Variants in SLC9A9 observed in about 807,000 individuals in gnomAD.
SLC9A9 encodes sodium/hydrogen exchanger 9.
Under a neutral mutation model 77.8 loss-of-function variants are expected in SLC9A9, and 62 were observed. The observed-to-expected ratio is 0.80, with a 90% CI of 0.65 to 0.98. SLC9A9 has a LOEUF of 0.98. SLC9A9 is among the 50% of genes least tolerant of loss of function. SLC9A9 has a pLI of 0.00. For missense variants in SLC9A9, 775 were observed against 774.9 expected (o/e 1.00, Z 0.00); for synonymous variants, 320 against 283.5 (o/e 1.13, Z -1.29).
intron 12 of SLC9A9, among the ~76,000 whole-genome samples, chr3:143,404,206 C>A (rs1313056342): frequency 6.8e-6 from 1 of 146,568 alleles, no homozygotes; most frequent in African/African-American, 2.5e-5. Context: ...CAGAGTCTCA[C>A]TCTGTCACCC....
chr3:143,409,208 A>C (rs772546252), intron 12 of SLC9A9, among the ~76,000 whole-genome samples: 2 of 152,220 alleles, frequency 1.3e-5, no homozygotes, highest in Non-Finnish European at 1.5e-5. Context: ...GGAGGCTTCA[A>C]CTGTAAATAG....
chr3:143,844,765 CT>C (rs1339689819), intron 1 of SLC9A9, among the ~76,000 whole-genome samples: 4 of 147,132 alleles, frequency 2.7e-5, no homozygotes, highest in African/African-American at 1.0e-4. Flanking sequence ...TTCTTTCTTT[CT>C]TTCTTTCTTT....
chr3:143,287,480 C>G (rs1938415660), intron 14 of SLC9A9, among the ~76,000 whole-genome samples: 1 of 152,110 alleles, frequency 6.6e-6, no homozygotes, highest in African/African-American at 2.4e-5. Context: ...GGTAGCTTCT[C>G]TTATGATTCT....
chr3:143,394,488 T>C (rs940610164), intron 12 of SLC9A9, among the ~76,000 whole-genome samples: 3 of 152,090 alleles, frequency 2.0e-5, no homozygotes, highest in African/African-American at 4.8e-5. Flanking sequence ...AAACCCACAG[T>C]CAGTATCATA....
At chr3:143,339,233 T>G (rs1305554382) in intron 14 of SLC9A9, among the ~76,000 whole-genome samples, 1 of 152,180 alleles carries the variant, frequency 6.6e-6, no homozygotes, top group African/African-American at 2.4e-5. Context: ...AATATTCTCA[T>G]TAGAGCTTCC....
At chr3:143,617,479 T>A (rs1055693788) in intron 6 of SLC9A9, among the ~76,000 whole-genome samples, 11 of 152,250 alleles carry the variant, frequency 7.2e-5, no homozygotes, top group African/African-American at 1.4e-4. Context: ...CCCGTGGGCT[T>A]CATCTGATTG....
intron 4 of SLC9A9, among the ~76,000 whole-genome samples, chr3:143,740,398 T>C (rs1935046877): frequency 6.6e-6 from 1 of 152,192 alleles, no homozygotes; most frequent in African/African-American, 2.4e-5. Flanking sequence ...TTTCCCAAAT[T>C]ACAGCCATTC....
Position 143,493,701 on chromosome 3 carries a change from G to C in SLC9A9, c.1267C>G (p.Arg423Gly). Residue 423 changes from arginine (R) to glycine (G), a missense_variant, in exon 11 of 16, where the codon CGA becomes GGA. Arg to Gly is a moderately radical substitution (Grantham distance 125, BLOSUM62 -2). Transcript: ENST00000316549. ...YPLSFLLNLG[R>G]KQKIPWNFQH... is the part of the protein sequence containing the mutation. ...AAGTTCCAGGGGATCTTCTGTTTTC[G>C]GCCTAGATTCAGGAGGAAGGAGAGG... 6.2e-7 allele frequency: 1 copy of C among 1,613,928 alleles called. No homozygotes were observed. The highest frequency in any genetic ancestry group is 8.5e-7 in the Non-Finnish European group (1 of 1,179,944).
chr3:143,462,799 G>C (rs1288011429), intron 12 of SLC9A9, among the ~76,000 whole-genome samples: 1 of 152,190 alleles, frequency 6.6e-6, no homozygotes. Flanking sequence ...TTGTTAATCA[G>C]GGTAGATTGC....
chr3:143,590,449 T>C (rs1405753595), intron 6 of SLC9A9, among the ~76,000 whole-genome samples: 1 of 152,230 alleles, frequency 6.6e-6, no homozygotes, highest in Non-Finnish European at 1.5e-5. Context: ...TTCCAACTAG[T>C]GTATTAGAAC....
chr3:143,450,116 T>A (rs538235630), intron 12 of SLC9A9, among the ~76,000 whole-genome samples: 1 of 125,322 alleles, frequency 8.0e-6, no homozygotes, highest in East Asian at 2.3e-4. Context: ...CATATTATAT[T>A]ATATATTATA....
At chr3:143,569,153 T>C (rs2037219257) in intron 8 of SLC9A9, among the ~76,000 whole-genome samples, 1 of 151,886 alleles carries the variant, frequency 6.6e-6, no homozygotes, top group Admixed American at 6.6e-5. Flanking sequence ...ATTCCAAAAT[T>C]ATTTTCTGTT....
intron 9 of SLC9A9, chr3:143,503,492 C>T: frequency 2.6e-6 from 1 of 380,582 alleles, no homozygotes; most frequent in Non-Finnish European, 5.2e-6. Context: ...GCCTGCTTCG[C>T]CACCTTCATG....
chr3:143,816,574 T>A (rs1451732634), intron 2 of SLC9A9, among the ~76,000 whole-genome samples: 1 of 152,192 alleles, frequency 6.6e-6, no homozygotes, highest in Non-Finnish European at 1.5e-5. Context: ...ATGATTTGAT[T>A]TTTTTCCCTT....
At chr3:143,814,377 C>T (rs2008949554) in intron 2 of SLC9A9, among the ~76,000 whole-genome samples, 1 of 151,908 alleles carries the variant, frequency 6.6e-6, no homozygotes, top group Non-Finnish European at 1.5e-5. Context: ...AAATGAGTGC[C>T]ACAAAAAAGA....
rs76046046 is a variant in SLC9A9, at chr3:143,678,375, T to G, written c.649+14817A>C. Among the ~76,000 whole-genome samples the G allele has an allele frequency of 1.9e-3, 295 of 152,312 alleles. 6 individuals carry two copies. The East Asian group carries it at 0.05, about 26-fold the overall frequency. ...TTCTTTGTTAAGAAGAGTCTCTATATCCTTAATCTATAGATATAGATTTAT... is the reference window on the plus strand; with the variant it reads ...TTCTTTGTTAAGAAGAGTCTCTATAGCCTTAATCTATAGATATAGATTTAT... On this transcript the variant is annotated intron_variant, in intron 5 of 15. Transcript: ENST00000316549.
intron 14 of SLC9A9, among the ~76,000 whole-genome samples, chr3:143,291,288 G>A (rs533178518): frequency 1.3e-5 from 2 of 152,254 alleles, no homozygotes; most frequent in African/African-American, 4.8e-5. Context: ...GTTTCTGCTC[G>A]TCGAAGTGCT....
At chr3:143,336,711 C>A (rs1014735762) in intron 14 of SLC9A9, among the ~76,000 whole-genome samples, 2 of 151,994 alleles carry the variant, frequency 1.3e-5, no homozygotes, top group Admixed American at 1.3e-4. Flanking sequence ...TAACTGAAAG[C>A]AGGTTGGTGG....
intron 4 of SLC9A9, among the ~76,000 whole-genome samples, chr3:143,766,280 A>C (rs1255524822): frequency 6.6e-6 from 1 of 152,218 alleles, no homozygotes; most frequent in Admixed American, 6.5e-5. Flanking sequence ...AGTCAGAGAA[A>C]ACAAAGGTGA....
Sources: gnomAD v4.1 joint callset for allele counts (sites outside exome capture counted in the v4.1 genomes callset) on GRCh38, gnomAD v4.1.1 for gene constraint, MANE v1.5 for transcripts, NCBI Gene and HGNC (gene_info 2026-07-23, HGNC 2026-07-21) for gene names.